The following FILIP1L variants were observed in gnomAD, a reference collection of about 807,000 sequenced individuals.
FILIP1L encodes filamin A interacting protein 1 like, also known as filamin A-interacting protein 1-like.
In FILIP1L, 55 loss-of-function variants were observed where a neutral mutation model predicts 96.6. The observed-to-expected ratio is 0.57, with a 90% confidence interval of 0.46 to 0.71. The LOEUF is 0.71. Ranked by LOEUF, FILIP1L falls within the 30% of genes least tolerant of loss-of-function variation. The pLI is 0.00. For synonymous variants in FILIP1L, 467 were observed against 473.9 expected (o/e 0.99, Z 0.19); for missense variants, 1,304 against 1,321.2 (o/e 0.99, Z 0.20).
At chr3:99,963,996 C>G (rs1250486677) in intron 1 of FILIP1L, among the ~76,000 whole-genome samples, 1 of 152,022 alleles carries the variant, frequency 6.6e-6, no homozygotes, top group Non-Finnish European at 1.5e-5. Context: ...CCAGGTACAA[C>G]CAAGGTGAAG....
intron 4 of FILIP1L, among the ~76,000 whole-genome samples, chr3:99,896,095 A>G (rs1017348639): frequency 2.0e-5 from 3 of 152,188 alleles, no homozygotes; most frequent in Non-Finnish European, 4.4e-5. Flanking sequence ...ATGTGGAATA[A>G]ACTTTTAGAA....
At chr3:99,937,526 A>G (rs777611030) in intron 1 of FILIP1L, among the ~76,000 whole-genome samples, 1 of 152,226 alleles carries the variant, frequency 6.6e-6, no homozygotes, top group Non-Finnish European at 1.5e-5. Context: ...CAGCTCCAAC[A>G]TGTTAGCTCT....
chr3:100,026,841 A>G (rs886190551), intron 1 of FILIP1L, among the ~76,000 whole-genome samples: 1 of 152,146 alleles, frequency 6.6e-6, no homozygotes, highest in Non-Finnish European at 1.5e-5. Context: ...ACTGTAAGTC[A>G]GATCACATCG....
intron 1 of FILIP1L, among the ~76,000 whole-genome samples, chr3:99,999,077 G>A (rs574283358): frequency 1.2e-4 from 19 of 152,230 alleles, no homozygotes; most frequent in South Asian, 1.2e-3. Flanking sequence ...ACCTATATCC[G>A]TCATATATAT....
rs1233573719 is a variant in FILIP1L, at chr3:100,014,895, CTTTTTTTTTTT to C, written c.-10-83876_-10-83866del. ...TTTTCTTTTTTTTTTTTCTTTCTTTCTTTTTTTTTTTTTTTTTTTTTTTGCCCCTGTTGCTT... is the reference window on the plus strand; with the variant it reads ...TTTTCTTTTTTTTTTTTCTTTCTTTCTTTTTTTTTTTTGCCCCTGTTGCTT... On this transcript the variant is annotated intron_variant, in intron 1 of 5. Transcript: ENST00000477258. Among the ~76,000 whole-genome samples, 5 of 25,008 alleles carry C rather than the reference CTTTTTTTTTTT, an allele frequency of 2.0e-4. No homozygotes were observed. The Admixed American group carries it at 2.3e-3, about 11-fold the overall frequency. 16.4% of individuals were successfully genotyped at this position (25,008 alleles called of 152,430 possible).
At chr3:100,014,886 TCTTTC>T (rs1559725865) in intron 1 of FILIP1L, among the ~76,000 whole-genome samples, 43 of 116,406 alleles carry the variant, frequency 3.7e-4, no homozygotes, top group East Asian at 7.0e-4. Flanking sequence ...TTTTTTTTTT[TCTTTC>T]TTTCTTTTTT....
intron 1 of FILIP1L, among the ~76,000 whole-genome samples, chr3:99,990,457 C>A (rs760701892): frequency 1.1e-4 from 17 of 152,140 alleles, no homozygotes; most frequent in Non-Finnish European, 2.2e-4. Context: ...AATGTTCAGC[C>A]CCCAGCCCTA....
chr3:100,060,346 C>T (rs924819614), intron 1 of FILIP1L, among the ~76,000 whole-genome samples: 2 of 152,170 alleles, frequency 1.3e-5, no homozygotes, highest in Admixed American at 1.3e-4. Flanking sequence ...CCTCTTCCAT[C>T]CCTTTATACC....
At chr3:100,006,582 T>G (rs567071010) in intron 1 of FILIP1L, among the ~76,000 whole-genome samples, 3 of 152,248 alleles carry the variant, frequency 2.0e-5, no homozygotes, top group Admixed American at 1.3e-4. Context: ...TTTTACCCTT[T>G]TTGTTTAGTA....
At chr3:100,009,157 C>G (rs574157904) in intron 1 of FILIP1L, among the ~76,000 whole-genome samples, 1 of 152,154 alleles carries the variant, frequency 6.6e-6, no homozygotes, top group Non-Finnish European at 1.5e-5. Flanking sequence ...AGTGACTGAA[C>G]TTACTGAGGC....
chr3:100,101,389 G>A (rs2107457500), intron 1 of FILIP1L, among the ~76,000 whole-genome samples: 1 of 152,280 alleles, frequency 6.6e-6, no homozygotes, highest in Middle Eastern at 3.4e-3. Flanking sequence ...GGGAGGAGCA[G>A]TCCAGCTTTG....
intron 1 of FILIP1L, among the ~76,000 whole-genome samples, chr3:99,940,840 T>G (rs561810795): frequency 6.6e-6 from 1 of 152,278 alleles, no homozygotes; most frequent in Non-Finnish European, 1.5e-5. Flanking sequence ...TCAGAGGAGG[T>G]CAAGAGTTTC....
intron 1 of FILIP1L, among the ~76,000 whole-genome samples, chr3:99,933,592 T>C (rs1707561033): frequency 6.6e-6 from 1 of 152,232 alleles, no homozygotes. Context: ...TATTGTATTT[T>C]CTTGAACACC....
At chr3:100,034,072 C>T (rs1366472384) in intron 1 of FILIP1L, among the ~76,000 whole-genome samples, 1 of 152,122 alleles carries the variant, frequency 6.6e-6, no homozygotes, top group East Asian at 1.9e-4. Context: ...ATTAGTGACC[C>T]GTTAATACAC....
At chr3:99,906,141 C>T (rs993656172) in intron 4 of FILIP1L, among the ~76,000 whole-genome samples, 15 of 152,130 alleles carry the variant, frequency 9.9e-5, no homozygotes, top group African/African-American at 3.4e-4. Context: ...TTGCAGTGAG[C>T]GGAGATCGCA....
At chr3:99,975,662 A>C (rs950201046) in intron 1 of FILIP1L, among the ~76,000 whole-genome samples, 1 of 152,208 alleles carries the variant, frequency 6.6e-6, no homozygotes, top group Non-Finnish European at 1.5e-5. Context: ...AACAGAACTG[A>C]GAAACACAGA....
intron 5 of FILIP1L, among the ~76,000 whole-genome samples, chr3:99,842,490 A>G (rs1943177316): frequency 8.3e-6 from 1 of 119,842 alleles, no homozygotes; most frequent in African/African-American, 3.6e-5. Context: ...TGAAATAAAT[A>G]AATTAAAACA....
At chr3:100,086,119 C>T (rs1416544673) in intron 1 of FILIP1L, among the ~76,000 whole-genome samples, 1 of 152,222 alleles carries the variant, frequency 6.6e-6, no homozygotes, top group African/African-American at 2.4e-5. Flanking sequence ...AAACATGTAT[C>T]TTTCTGCAGC....
intron 3 of FILIP1L, 77 bp from the exon 4 acceptor site, chr3:99,924,485 T>C: frequency 7.2e-7 from 1 of 1,396,008 alleles, no homozygotes; most frequent in Middle Eastern, 1.9e-4. Flanking sequence ...GAAATGTCCC[T>C]GTTTTGATTA....
Sources: gnomAD v4.1 joint callset for allele counts (sites outside exome capture counted in the v4.1 genomes callset) on GRCh38, gnomAD v4.1.1 for gene constraint, MANE v1.5 for transcripts, NCBI Gene and HGNC (gene_info 2026-07-23, HGNC 2026-07-21) for gene names.